The following SMYD1 variants were observed in gnomAD, a reference collection of about 807,000 sequenced individuals.
The protein encoded by SMYD1 is histone-lysine N-methyltransferase SMYD1.
A neutral mutation model predicts 54.0 loss-of-function variants in SMYD1; 49 were observed. The observed-to-expected ratio is 0.91, with a 90% confidence interval of 0.72 to 1.15. The LOEUF (loss-of-function observed/expected upper bound fraction) is 1.15. Among genes scored for constraint, SMYD1 ranks in the 50% most tolerant of loss-of-function variants. The pLI, the probability that SMYD1 is intolerant of heterozygous loss-of-function variation, is 0.00. For missense variants in SMYD1, 653 were observed against 639.6 expected, an observed-to-expected ratio of 1.02 and a Z score of -0.23; for synonymous variants, 269 against 234.2, an observed-to-expected ratio of 1.15 and a Z score of -1.36.
chr2:88,108,091 C>T (rs1674923798), intron 8 of SMYD1, among the ~76,000 whole-genome samples: 1 of 152,224 alleles, frequency 6.6e-6, no homozygotes, highest in African/African-American at 2.4e-5. Flanking sequence ...GCTAGAGTCC[C>T]CAAGCTCAGA....
rs1332136996 is a variant in SMYD1, at chr2:88,096,736, G to GA, written c.846dup (p.Leu283ThrfsTer4). The GA allele has an allele frequency of 1.2e-5, 20 of 1,614,038 alleles. No individual in the cohort carries two copies. The highest frequency in any genetic ancestry group is 1.7e-5 in the Admixed American group (1 of 59,994). On this transcript the variant is annotated frameshift_variant, in exon 6 of 10. Transcript: ENST00000419482. LOFTEE classifies it high-confidence loss of function. The stretch of plus-strand genomic sequence containing the variant: ...TTGACTGCACATGTGAACACTGCCA[G>GA]AAAAAACTGAAGGATGACCTCTTCC...
Position 88,110,683 on chromosome 2 carries a change from C to A in SMYD1, c.*171C>A. 2 of 751,148 alleles carry A rather than the reference C, an allele frequency of 2.7e-6. No homozygotes were observed. The highest frequency in any genetic ancestry group is 2.4e-5 in the South Asian group (1 of 41,914). 46.5% of individuals were successfully genotyped at this position (751,148 alleles called of 1,614,324 possible). On this transcript the variant is annotated 3_prime_UTR_variant, in exon 10 of 10. Transcript: ENST00000419482. The stretch of plus-strand genomic sequence containing the variant: ...AGAGCCATTTTGGCTCAATTCAAGT[C>A]TATTCAATTCAAGTTAACTCTAGCC...
At chr2:88,084,552 C>A in intron 2 of SMYD1, 60 bp downstream of exon 2, 2 of 1,466,918 alleles carry the variant, frequency 1.4e-6, no homozygotes, top group Non-Finnish European at 1.9e-6. Context: ...GGAATGGTGG[C>A]AGTAACAACA....
chr2:88,068,312 G>A (rs1373026042), intron 1 of SMYD1, among the ~76,000 whole-genome samples: 1 of 152,116 alleles, frequency 6.6e-6, no homozygotes, highest in African/African-American at 2.4e-5. Context: ...GGTGCTGTGG[G>A]AAACATTTTC....
At chr2:88,080,702 A>C (rs1427448940) in intron 1 of SMYD1, among the ~76,000 whole-genome samples, 1 of 152,084 alleles carries the variant, frequency 6.6e-6, no homozygotes, top group East Asian at 1.9e-4. Flanking sequence ...CCTCGTTCCT[A>C]ACCTAAGACA....
At chr2:88,100,922 C>T (rs185772767) in intron 6 of SMYD1, among the ~76,000 whole-genome samples, 180 of 152,260 alleles carry the variant, frequency 1.2e-3, no homozygotes, top group Middle Eastern at 0.01. Flanking sequence ...AACTAACTCC[C>T]GGGAGGCCCA....
Position 88,086,597 on chromosome 2 carries a change from C to T in SMYD1, c.315-1265C>T, listed in dbSNP as rs546958482. ...GCCAGGCCCCTCCCTGCTTCCTGCA[C>T]GTGGCATGCCCGTGGCTGCCTCGAG... On this transcript the variant is annotated intron_variant, in intron 2 of 9. Transcript: ENST00000419482. 2.2e-4 allele frequency among the ~76,000 whole-genome samples: 33 copies of T among 152,356 alleles called. 1 individual carries two copies. The highest frequency in any genetic ancestry group is 3.3e-4 in the Admixed American group (5 of 15,310).
At chr2:88,107,832 G>A (rs1553456854) in intron 8 of SMYD1, among the ~76,000 whole-genome samples, 13 of 152,184 alleles carry the variant, frequency 8.5e-5, no homozygotes, top group Non-Finnish European at 2.9e-5. Context: ...TTTTCCAGGT[G>A]CTGTCTGTCA....
In SMYD1 at chr2:88,102,957, T is replaced by G. The variant is rs1379345832; in HGVS notation, c.889-101T>G. ...GAGGCATTCAGAATGAGGAAGACAT[T>G]AACCTTGTGCTACATTGAATGTCAA... On this transcript the variant is annotated intron_variant, in intron 6 of 9. Coordinates refer to ENST00000419482, the MANE Select transcript of SMYD1 (RefSeq NM_198274.4). 8 of 867,114 alleles carry G rather than the reference T, an allele frequency of 9.2e-6. 1 individual carries two copies. The highest frequency in any genetic ancestry group is 1.5e-5 in the Non-Finnish European group (8 of 525,820). 53.7% of individuals were successfully genotyped at this position (867,114 alleles called of 1,614,324 possible). A position where few individuals can be genotyped will look rare whatever the true frequency, so the allele number is the denominator to read the frequency against.
chr2:88,069,428 T>C (rs1000883662), intron 1 of SMYD1, among the ~76,000 whole-genome samples: 1 of 152,194 alleles, frequency 6.6e-6, no homozygotes, highest in Non-Finnish European at 1.5e-5. Flanking sequence ...ATTTCATTAA[T>C]CTGTGTGTGT....
intron 9 of SMYD1, among the ~76,000 whole-genome samples, chr2:88,108,913 CA>C (rs914954864): frequency 6.6e-6 from 1 of 152,088 alleles, no homozygotes; most frequent in Non-Finnish European, 1.5e-5. Context: ...GCAGAGGTGC[CA>C]GGCTTTTTTC....
At chr2:88,089,407 A>G (rs75491160) in intron 3 of SMYD1, among the ~76,000 whole-genome samples, 3 of 152,250 alleles carry the variant, frequency 2.0e-5, no homozygotes, top group East Asian at 1.9e-4. Flanking sequence ...CTTCCCATGT[A>G]TTATTTTACA....
intron 6 of SMYD1, among the ~76,000 whole-genome samples, chr2:88,100,267 T>C (rs1473151737): frequency 6.6e-6 from 1 of 152,104 alleles, no homozygotes; most frequent in African/African-American, 2.4e-5. Context: ...TTCTGCCAGG[T>C]TGTTTTGGGG....
At chr2:88,104,498 T>A (rs963067329) in intron 7 of SMYD1, among the ~76,000 whole-genome samples, 1 of 152,200 alleles carries the variant, frequency 6.6e-6, no homozygotes. Flanking sequence ...CTGGCTCCAT[T>A]GCCCTGGGTT....
chr2:88,103,104 C>T lies in SMYD1; in HGVS notation c.935C>T (p.Thr312Ile), dbSNP rs1446573544. 4 of 1,614,016 alleles carry T rather than the reference C, an allele frequency of 2.5e-6. No individual in the cohort carries two copies. Among genetic ancestry groups the T allele is most frequent in the Non-Finnish European group, 3.4e-6 (4 of 1,179,980 alleles). Residue 312 changes from threonine to isoleucine, a missense_variant, in exon 7 of 10, where the codon ACA becomes ATA. Transcript: ENST00000419482. ...GAGATGATACAATTCTCCAAGGATA[C>T]ATTGGAAAAGATAGACAAGGCTCGT... ...VKEMIQFSKD[T>I]LEKIDKARSE...
intron 3 of SMYD1, 109 bp downstream of exon 3, chr2:88,088,184 C>T: frequency 8.6e-7 from 1 of 1,169,516 alleles, no homozygotes; most frequent in Non-Finnish European, 1.2e-6. Flanking sequence ...GAGGCAGAAG[C>T]CCTGTCTGCC....
intron 9 of SMYD1, 133 bp from the exon 10 acceptor site, chr2:88,110,221 G>GTA: frequency 2.3e-6 from 2 of 857,514 alleles, no homozygotes; most frequent in South Asian, 1.7e-5. Context: ...GTGTGTGTGT[G>GTA]TGTGTGTGTG....
intron 1 of SMYD1, among the ~76,000 whole-genome samples, chr2:88,083,587 C>T (rs545721545): frequency 2.0e-5 from 3 of 152,284 alleles, no homozygotes; most frequent in South Asian, 4.1e-4. Context: ...AATGCACAAA[C>T]TGTGACATAT....
At chr2:88,105,868 G>C (rs1674854091) in intron 7 of SMYD1, among the ~76,000 whole-genome samples, 1 of 152,094 alleles carries the variant, frequency 6.6e-6, no homozygotes, top group Non-Finnish European at 1.5e-5. Context: ...AAGCTAAGAC[G>C]GGGAGGTTGC....
Sources: allele counts gnomAD v4.1 joint callset (sites outside exome capture counted in the v4.1 genomes callset), GRCh38; gene constraint gnomAD v4.1.1; transcripts MANE v1.5; gene names NCBI Gene and HGNC (gene_info 2026-07-23, HGNC 2026-07-21).